The following ANKRD13C variants were observed in gnomAD, a reference collection of about 807,000 sequenced individuals.
ANKRD13C encodes ankyrin repeat domain-containing protein 13C.
Under a neutral mutation model 65.5 loss-of-function variants are expected in ANKRD13C, and 16 were observed. The observed-to-expected ratio is 0.24, with a 90% CI of 0.17 to 0.37. The LOEUF (loss-of-function observed/expected upper bound fraction) is 0.37, where lower values mean the gene tolerates loss of function less well. ANKRD13C is among the 10% of genes least tolerant of loss of function. ANKRD13C has a pLI of 1.00. For synonymous variants in ANKRD13C, 235 were observed against 238.7 expected (o/e 0.98, Z 0.14); for missense variants, 503 against 655.9 (o/e 0.77, Z 2.55).
chr1:70,328,104 T>C (rs1256420997), intron 2 of ANKRD13C, among the ~76,000 whole-genome samples: 1 of 151,786 alleles, frequency 6.6e-6, no homozygotes, highest in African/African-American at 2.4e-5. Context: ...ATATAAAACA[T>C]AAAAAGATAA....
chr1:70,305,601 A>C (rs1680553980), intron 6 of ANKRD13C: 1 of 152,138 alleles, frequency 6.6e-6, no homozygotes, highest in Non-Finnish European at 1.5e-5. Context: ...ACAAATAGAT[A>C]ATTTATAAAT....
At chr1:70,338,646 C>G (rs1271398951) in intron 1 of ANKRD13C, among the ~76,000 whole-genome samples, 2 of 152,052 alleles carry the variant, frequency 1.3e-5, no homozygotes, top group Non-Finnish European at 2.9e-5. Flanking sequence ...GTGATCCGCC[C>G]GCCTTGGCCT....
At chr1:70,315,084 C>A (rs1443698124) in intron 4 of ANKRD13C, among the ~76,000 whole-genome samples, 3 of 151,906 alleles carry the variant, frequency 2.0e-5, no homozygotes, top group Admixed American at 6.6e-5. Context: ...ACTAAAAATA[C>A]AAAAAATTAG....
At chr1:70,287,064 T>G (rs1679654255) in intron 9 of ANKRD13C, among the ~76,000 whole-genome samples, 1 of 152,056 alleles carries the variant, frequency 6.6e-6, no homozygotes, top group Non-Finnish European at 1.5e-5. Context: ...TTTATTTCTA[T>G]GTATAAAAAC....
In ANKRD13C at chr1:70,260,794, A is replaced by C. The variant is rs1678362346; in HGVS notation, c.*1923T>G. ...AATTTCCAGTAGTCTTCCTACCTCC[A>C]GTGTACCCCAGCAAAATATTCATAG... is the stretch of plus-strand genomic sequence containing the variant. On this transcript the variant is annotated 3_prime_UTR_variant, in exon 13 of 13. Transcript: ENST00000370944. 6.6e-6 allele frequency: 1 copy of C among 152,138 alleles called. No homozygotes were observed. The allele number at this position is 152,138 out of a possible 1,614,324, so 9.4% of individuals were successfully genotyped here.
Position 70,296,203 on chromosome 1 carries a change from G to A in ANKRD13C, c.980C>T (p.Ser327Phe). The A allele has an allele frequency of 6.2e-7, 1 of 1,613,990 alleles. No individual in the cohort carries two copies. The highest frequency in any genetic ancestry group is 8.5e-7 in the Non-Finnish European group (1 of 1,179,950). The stretch of plus-strand genomic sequence containing the variant: ...AATTGATTTTGTTGATAAAGTTGCA[G>A]AGTAAATATCACTGCTCATTAAAAT... ...VDILMSSDIY[S>F]ATLSTKSISF... The change falls in exon 8 of 13, where the codon TCT becomes TTT. Residue 327 changes from serine to phenylalanine, a missense_variant. Physicochemically the swap from Ser to Phe is radical, Grantham distance 155 (BLOSUM62 -2). Around this residue, in one of 2 missense-constraint regions of ANKRD13C, gnomAD observed 300 missense variants for 478.3 expected, o/e 0.63. Coordinates refer to ENST00000370944, the MANE Select transcript of ANKRD13C (RefSeq NM_030816.5).
intron 1 of ANKRD13C, among the ~76,000 whole-genome samples, chr1:70,346,919 G>A (rs1235100069): frequency 6.6e-5 from 10 of 151,674 alleles, no homozygotes; most frequent in African/African-American, 2.4e-4. Flanking sequence ...GTGAAACCCC[G>A]TCTCTACTAA....
intron 3 of ANKRD13C, among the ~76,000 whole-genome samples, chr1:70,319,818 C>T (rs1293775772): frequency 6.6e-6 from 1 of 152,116 alleles, no homozygotes; most frequent in African/African-American, 2.4e-5. Context: ...TCCCCCAGGA[C>T]TTTGTAAATA....
chr1:70,321,102 A>G (rs980054646), intron 3 of ANKRD13C, among the ~76,000 whole-genome samples: 24 of 152,128 alleles, frequency 1.6e-4, no homozygotes, highest in African/African-American at 5.8e-4. Flanking sequence ...ACAGTCTCGA[A>G]TTTTCTTTGT....
chr1:70,306,602 T>C (rs905365473), intron 5 of ANKRD13C, among the ~76,000 whole-genome samples: 2 of 152,134 alleles, frequency 1.3e-5, no homozygotes, highest in South Asian at 2.1e-4. Flanking sequence ...AATAACCCTA[T>C]GGTAACTAAA....
chr1:70,289,583 C>T (rs1040794601), intron 9 of ANKRD13C, among the ~76,000 whole-genome samples: 3 of 151,916 alleles, frequency 2.0e-5, no homozygotes, highest in African/African-American at 7.2e-5. Flanking sequence ...TTTTCTGCCT[C>T]AGCCTCCTGA....
intron 6 of ANKRD13C, among the ~76,000 whole-genome samples, chr1:70,302,517 G>C (rs1378580752): frequency 9.0e-6 from 1 of 111,458 alleles, no homozygotes; most frequent in Non-Finnish European, 1.8e-5. Context: ...ACGAGGTCAG[G>C]AGATCGAGAC....
rs781339493 is a variant in ANKRD13C, at chr1:70,339,315, A to ATTT, written c.431-3219_431-3217dup. 4.7e-5 allele frequency among the ~76,000 whole-genome samples: 6 copies of ATTT among 127,864 alleles called. 1 individual carries two copies. The highest frequency in any genetic ancestry group is 8.7e-5 in the African/African-American group (3 of 34,446). 83.9% of individuals were successfully genotyped at this position (127,864 alleles called of 152,430 possible). A position where few individuals can be genotyped will look rare whatever the true frequency, so the allele number is the denominator to read the frequency against. On this transcript the variant is annotated intron_variant, in intron 1 of 12. Coordinates refer to ENST00000370944, the MANE Select transcript of ANKRD13C (RefSeq NM_030816.5). ...AAGATTTACTTTGAGCTATCATTCC[A>ATTT]TTTTTTTTTTTTTTTTTTTGAGACA...
At chr1:70,336,539 G>A (rs765853493) in intron 1 of ANKRD13C, among the ~76,000 whole-genome samples, 14 of 152,100 alleles carry the variant, frequency 9.2e-5, no homozygotes, top group Non-Finnish European at 1.9e-4. Flanking sequence ...TTAAATAGAA[G>A]GGAGTACAGC....
chr1:70,283,558 T>C (rs1228167445), intron 9 of ANKRD13C, among the ~76,000 whole-genome samples: 1 of 152,074 alleles, frequency 6.6e-6, no homozygotes, highest in Non-Finnish European at 1.5e-5. Flanking sequence ...GGCTCACACC[T>C]GTAATCCCAG....
chr1:70,297,343 G>C (rs1300992754), intron 7 of ANKRD13C, among the ~76,000 whole-genome samples: 1 of 140,332 alleles, frequency 7.1e-6, no homozygotes, highest in Non-Finnish European at 1.5e-5. Flanking sequence ...GCCCAGGCTG[G>C]AGTGCAGTGG....
At chr1:70,265,824 C>CAAAAA (rs775757290) in intron 12 of ANKRD13C, among the ~76,000 whole-genome samples, 1,373 of 33,360 alleles carry the variant, frequency 0.041, no homozygotes, top group Middle Eastern at 0.062. Flanking sequence ...GACCTTGCCT[C>CAAAAA]AAAAAAAAAA....
intron 2 of ANKRD13C, among the ~76,000 whole-genome samples, chr1:70,335,840 A>C (rs1212602313): frequency 6.6e-6 from 1 of 151,696 alleles, no homozygotes; most frequent in Non-Finnish European, 1.5e-5. Context: ...ACATAGTTTC[A>C]AAAGACATAA....
intron 10 of ANKRD13C, among the ~76,000 whole-genome samples, chr1:70,275,240 A>C (rs773890749): frequency 2.0e-5 from 3 of 152,222 alleles, no homozygotes; most frequent in Non-Finnish European, 4.4e-5. Flanking sequence ...TATATTAACT[A>C]TTATCAAAAG....
Sources: gnomAD v4.1 joint callset for allele counts (sites outside exome capture counted in the v4.1 genomes callset) on GRCh38, gnomAD v4.1.1 for gene constraint, gnomAD v4.1.1 regional missense constraint, MANE v1.5 for transcripts, NCBI Gene and HGNC (gene_info 2026-07-23, HGNC 2026-07-21) for gene names.